Variants in RPUSD4 observed in about 807,000 individuals in gnomAD.
The protein encoded by RPUSD4 is RNA pseudouridine synthase D4, also known as pseudouridylate synthase RPUSD4, mitochondrial.
A neutral mutation model predicts 35.4 loss-of-function variants in RPUSD4; 37 were observed. The ratio of observed to expected loss-of-function variants is 1.04; its 90% CI spans 0.80 to 1.37. The LOEUF (loss-of-function observed/expected upper bound fraction) is 1.37, where lower values mean the gene tolerates loss of function less well. Among genes scored for constraint, RPUSD4 ranks in the 40% most tolerant of loss-of-function variants. The pLI, the probability that RPUSD4 is intolerant of heterozygous loss-of-function variation, is 0.00. For missense variants in RPUSD4, 507 were observed against 484.9 expected (o/e 1.05, Z -0.43); for synonymous variants, 210 against 192.7 (o/e 1.09, Z -0.74).
At chr11:126,205,865 G>A (rs1949768822) in intron 3 of RPUSD4, 84 bp from the exon 4 acceptor site, 6 of 981,136 alleles carry the variant, frequency 6.1e-6, no homozygotes, top group Non-Finnish European at 9.0e-6. Flanking sequence ...TTTCACGCTG[G>A]ACCTTCTGCA....
chr11:126,210,783 A>T, intron 2 of RPUSD4, 107 bp downstream of exon 2: 1 of 1,136,870 alleles, frequency 8.8e-7, no homozygotes. Flanking sequence ...AAGTTTAATT[A>T]ATTTGAATGC....
Position 126,203,538 on chromosome 11 carries a change from T to G in RPUSD4, c.1014A>C (p.Glu338Asp), listed in dbSNP as rs773328458. 4 of 1,614,134 alleles carry G rather than the reference T, an allele frequency of 2.5e-6. No individual in the cohort carries two copies. In the East Asian group the frequency reaches 8.9e-5, roughly 36 times the overall value. ...GAGGAAGTTTGCAGACCAAGTTGAG[T>G]TCCTCCTTCCCGGACCCCAGGGCAG... Reference protein sequence around the residue: ...ILPALGSGKEELNLVCKLPRF... With the variant: ...ILPALGSGKEDLNLVCKLPRF... The change falls in exon 7 of 7, where the codon GAA (glutamate) becomes GAC (aspartate). Residue 338 changes from glutamate (E) to aspartate (D), a missense_variant. Glu to Asp is a conservative substitution (Grantham distance 45). Transcript: ENST00000298317.
Position 126,203,464 on chromosome 11 carries a change from T to C in RPUSD4, c.1088A>G (p.Glu363Gly). The stretch of plus-strand genomic sequence containing the variant: ...GGCTTCATTGTTCTCATTTTGATCC[T>C]CATTTGGCATCTCTAAACGCAGGCG... ...LHRLRLEMPN[E>G]DQNENNEAKC... is the part of the protein sequence containing the mutation. Residue 363 changes from glutamate to glycine, a missense_variant, in exon 7 of 7, where the codon GAG (glutamate) becomes GGG (glycine). By Grantham distance (98) the Glu-to-Gly change is moderately conservative. Transcript: ENST00000298317. 1 of 1,614,148 alleles carries C rather than the reference T, an allele frequency of 6.2e-7. No homozygotes were observed. The highest frequency in any genetic ancestry group is 8.5e-7 in the Non-Finnish European group (1 of 1,180,040).
At chr11:126,205,202 CA>C (rs1439338973) in intron 5 of RPUSD4, among the ~76,000 whole-genome samples, 2 of 152,192 alleles carry the variant, frequency 1.3e-5, no homozygotes, top group African/African-American at 4.8e-5. Context: ...GGTATATACC[CA>C]GAAGTGGAAC....
chr11:126,211,359 G>A (rs1949864321), intron 1 of RPUSD4, 91 bp downstream of exon 1: 6 of 1,368,762 alleles, frequency 4.4e-6, no homozygotes, highest in South Asian at 1.4e-5. Flanking sequence ...TGACTCACAC[G>A]CTTTCACTCA....
Position 126,203,339 on chromosome 11 carries a change from G to A in RPUSD4, c.*79C>T. On this transcript the variant is annotated 3_prime_UTR_variant, in exon 7 of 7. Coordinates refer to ENST00000298317, the MANE Select transcript of RPUSD4 (RefSeq NM_032795.3). Reference sequence around the variant, plus strand: ...CCTGTAAACAAAGAACAGTTCAGGGGCCAACCTGCGCTCCCAGGTGCCAGG... The same window carrying A: ...CCTGTAAACAAAGAACAGTTCAGGGACCAACCTGCGCTCCCAGGTGCCAGG... The A allele has an allele frequency of 6.4e-7, 1 of 1,566,572 alleles. No individual in the cohort carries two copies. The highest frequency in any genetic ancestry group is 8.6e-7 in the Non-Finnish European group (1 of 1,158,180).
At position 126,203,622 on chromosome 11, in the gene RPUSD4, T is replaced by C; in HGVS notation, c.930A>G (p.Leu310=). The change falls in exon 7 of 7, where the codon CTA becomes CTG. Residue 310 remains leucine, a synonymous_variant. Transcript: ENST00000298317. ...LSVGTLKKLG[L]EQSKARYIPL... ...GGATGTAGCGGGCCTTCGACTGTTC[T>C]AGCCCCAGCTTCTTCAGGGTGCCCA... is the stretch of plus-strand genomic sequence containing the variant. The C allele has an allele frequency of 6.2e-7, 1 of 1,613,720 alleles. No homozygotes were observed. Among genetic ancestry groups the C allele is most frequent in the Non-Finnish European group, 8.5e-7 (1 of 1,179,632 alleles).
Position 126,204,232 on chromosome 11 carries a change from T to TG in RPUSD4, c.892dup (p.Gln298ProfsTer66). The TG allele has an allele frequency of 6.2e-7, 1 of 1,610,776 alleles. No individual in the cohort carries two copies. Among genetic ancestry groups the TG allele is most frequent in the Non-Finnish European group, 8.5e-7 (1 of 1,177,528 alleles). ...CACATTGGGTCAAATTAGTATTACC[T>TG]GGGGGGCCAACCTATTCCAGTCTGA... On this transcript the variant is annotated frameshift_variant and splice_region_variant, in exon 6 of 7. Transcript: ENST00000298317. LOFTEE classifies it low-confidence loss of function (END_TRUNC).
intron 3 of RPUSD4, chr11:126,208,700 A>C (rs1445120050): frequency 6.6e-6 from 1 of 152,364 alleles, no homozygotes; most frequent in East Asian, 1.9e-4. Flanking sequence ...CATATACTGC[A>C]TACACCAGAC....
intron 3 of RPUSD4, 121 bp downstream of exon 3, chr11:126,209,400 C>T (rs2135103714): frequency 1.3e-6 from 1 of 796,250 alleles, no homozygotes; most frequent in Non-Finnish European, 2.0e-6. Context: ...ATATTTTTTA[C>T]AATCTCGCAG....
intron 1 of RPUSD4, 131 bp from the exon 2 acceptor site, chr11:126,211,186 A>G: frequency 1.8e-6 from 2 of 1,140,094 alleles, no homozygotes; most frequent in Non-Finnish European, 2.5e-6. Flanking sequence ...GCCTTCGACT[A>G]ATTTGAGAGC....
chr11:126,202,291 G>A lies in RPUSD4; in HGVS notation c.*1127C>T, dbSNP rs954790740. The A allele has an allele frequency of 1.3e-5, 2 of 152,248 alleles. No individual in the cohort carries two copies. The highest frequency in any genetic ancestry group is 4.8e-5 in the African/African-American group (2 of 41,456). The allele number at this position is 152,248 out of a possible 1,614,324, so 9.4% of individuals were successfully genotyped here. On this transcript the variant is annotated 3_prime_UTR_variant, in exon 7 of 7. Transcript: ENST00000298317. Reference sequence around the variant, plus strand: ...GGTGTATTTGTTTGCAAGAAACAAGGTGGAAACTAGATGGACCAGCTGAGC... The same window carrying A: ...GGTGTATTTGTTTGCAAGAAACAAGATGGAAACTAGATGGACCAGCTGAGC...
chr11:126,211,024 T>C lies in RPUSD4; in HGVS notation c.221A>G (p.Gln74Arg), dbSNP rs751471342. 1 of 1,614,004 alleles carries C rather than the reference T, an allele frequency of 6.2e-7. No homozygotes were observed. The highest frequency in any genetic ancestry group is 1.1e-5 in the South Asian group (1 of 91,062). The change falls in exon 2 of 7, where the codon CAA (glutamine) becomes CGA (arginine). Residue 74 changes from glutamine to arginine, a missense_variant. By Grantham distance (43) the Gln-to-Arg change is conservative. Coordinates refer to ENST00000298317, the MANE Select transcript of RPUSD4 (RefSeq NM_032795.3). ...VSTNAVQRRV[Q>R]EIVRFTRQLQ... ...CTGCCGTGTGAACCGCACTATTTCT[T>C]GCACTCTCCGCTGAACAGCGTTTGT... is the stretch of plus-strand genomic sequence containing the variant.
rs1319236653 is a variant in RPUSD4, at chr11:126,202,195, A to G, written c.*1223T>C. Reference sequence around the variant, plus strand: ...TCATCTATACAGAGGGAACATATAAAGACTGTCCCGGGGTGTACCCCCCTA... The same window carrying G: ...TCATCTATACAGAGGGAACATATAAGGACTGTCCCGGGGTGTACCCCCCTA... On this transcript the variant is annotated 3_prime_UTR_variant, in exon 7 of 7. Coordinates refer to ENST00000298317, the MANE Select transcript of RPUSD4 (RefSeq NM_032795.3). 1.3e-5 allele frequency: 2 copies of G among 152,284 alleles called. No homozygotes were observed. Among genetic ancestry groups the G allele is most frequent in the African/African-American group, 4.8e-5 (2 of 41,466 alleles). 9.4% of individuals were successfully genotyped at this position (152,284 alleles called of 1,614,324 possible). A position where few individuals can be genotyped will look rare whatever the true frequency, so the allele number is the denominator to read the frequency against.
Position 126,211,608 on chromosome 11 carries a change from G to T in RPUSD4, c.31C>A (p.Pro11Thr), listed in dbSNP as rs142217753. The T allele has an allele frequency of 4.4e-5, 71 of 1,613,776 alleles. No individual in the cohort carries two copies. The highest frequency in any genetic ancestry group is 5.7e-5 in the Non-Finnish European group (67 of 1,180,012). MAAPRWSASG[P>T]WIRGNGQGCG... is the part of the protein sequence containing the mutation. ...CCTTGGCCGTTTCCCCGGATCCAGG[G>T]GCCCGACGCGCTCCACCTGGGCGCC... Residue 11 changes from proline to threonine, a missense_variant, in exon 1 of 7, where the codon CCC becomes ACC. Coordinates refer to ENST00000298317, the MANE Select transcript of RPUSD4 (RefSeq NM_032795.3).
At chr11:126,205,244 G>A (rs1391341070) in intron 5 of RPUSD4, among the ~76,000 whole-genome samples, 1 of 152,118 alleles carries the variant, frequency 6.6e-6, no homozygotes, top group East Asian at 1.9e-4. Flanking sequence ...CTGTTTAATC[G>A]TTTTGAGGAA....
intron 3 of RPUSD4, chr11:126,206,012 G>T: frequency 2.6e-6 from 1 of 385,846 alleles, no homozygotes; most frequent in Non-Finnish European, 4.6e-6. Context: ...AATATTTGGG[G>T]TAAAAAAAGA....
intron 5 of RPUSD4, among the ~76,000 whole-genome samples, 186 bp from the exon 6 acceptor site, chr11:126,204,514 G>A (rs1351417750): frequency 2.0e-5 from 3 of 152,168 alleles, no homozygotes; most frequent in African/African-American, 7.2e-5. Context: ...AGTTTAGGAA[G>A]TAAACGCCGT....
At chr11:126,208,513 A>T (rs1949798824) in intron 3 of RPUSD4, 2 of 152,266 alleles carry the variant, frequency 1.3e-5, no homozygotes, top group Non-Finnish European at 2.9e-5. Context: ...TGGGGAATAG[A>T]GGGTTTCTTT....
Sources: allele counts gnomAD v4.1 joint callset (sites outside exome capture counted in the v4.1 genomes callset), GRCh38; gene constraint gnomAD v4.1.1; transcripts MANE v1.5; gene names NCBI Gene and HGNC (gene_info 2026-07-23, HGNC 2026-07-21).